Variants in LAMA2 observed in about 807,000 individuals in gnomAD.
LAMA2 encodes the protein laminin subunit alpha-2.
A neutral mutation model predicts 364.8 loss-of-function variants in LAMA2; 269 were observed. That is an observed-to-expected ratio of 0.74 (90% CI 0.67 to 0.82). The LOEUF (loss-of-function observed/expected upper bound fraction) is 0.82. Among genes scored for constraint, LAMA2 ranks in the 40% least tolerant of loss-of-function variants. The pLI is 0.00. For synonymous variants in LAMA2, 1,379 were observed against 1,370.6 expected (o/e 1.01, Z -0.14); for missense variants, 3,807 against 3,873.2 (o/e 0.98, Z 0.45).
At chr6:129,234,332 G>C (rs927756971) in intron 12 of LAMA2, among the ~76,000 whole-genome samples, 10 of 152,086 alleles carry the variant, frequency 6.6e-5, no homozygotes, top group Non-Finnish European at 1.3e-4. Context: ...AATCCAAAAA[G>C]TCAAACATTC....
At position 129,313,247 on chromosome 6, in the gene LAMA2, T is replaced by C. The variant is rs1043324171; in HGVS notation, c.3411+150T>C. Reference sequence around the variant, plus strand: ...CTCATTGCCAGACATGGAGTTTTCATTGATATGCATTTGTTGGCATACCGA... The same window carrying C: ...CTCATTGCCAGACATGGAGTTTTCACTGATATGCATTTGTTGGCATACCGA... On this transcript the variant is annotated intron_variant, in intron 23 of 64. Coordinates refer to ENST00000421865, the MANE Select transcript of LAMA2 (RefSeq NM_000426.4). 6 of 596,976 alleles carry C rather than the reference T, an allele frequency of 1.0e-5. No individual in the cohort carries two copies. In the South Asian group the frequency reaches 1.4e-4, roughly 14 times the overall value. The allele number at this position is 596,976 out of a possible 1,614,324, so 37.0% of individuals were successfully genotyped here. A position where few individuals can be genotyped will look rare whatever the true frequency, so the allele number is the denominator to read the frequency against.
At chr6:129,398,248 G>A (rs1434196737) in intron 37 of LAMA2, among the ~76,000 whole-genome samples, 4 of 152,124 alleles carry the variant, frequency 2.6e-5, no homozygotes, top group African/African-American at 9.7e-5. Flanking sequence ...AAAATTGGCA[G>A]TTGTGTAAAA....
chr6:129,157,904 G>A (rs1295380999), intron 8 of LAMA2: 13 of 1,614,108 alleles, frequency 8.1e-6, no homozygotes, highest in Non-Finnish European at 1.0e-5. Context: ...GAGCCAGGTA[G>A]CGTTTGGTGC....
chr6:129,188,999 G>A (rs1781383036), intron 10 of LAMA2, among the ~76,000 whole-genome samples: 1 of 151,984 alleles, frequency 6.6e-6, no homozygotes. Flanking sequence ...AAACATGACT[G>A]CCAAGAGATT....
intron 53 of LAMA2, among the ~76,000 whole-genome samples, chr6:129,476,259 G>A (rs1347094518): frequency 5.3e-5 from 8 of 152,220 alleles, no homozygotes; most frequent in South Asian, 2.1e-4. Context: ...TTTTAAAACC[G>A]AGGCTAGATT....
chr6:129,335,621 A>C (rs1775914176), intron 29 of LAMA2, among the ~76,000 whole-genome samples: 1 of 152,206 alleles, frequency 6.6e-6, no homozygotes, highest in South Asian at 2.1e-4. Context: ...GTTGCCTGAA[A>C]CATTTAACCA....
rs539102200 is a variant in LAMA2 at position 129,271,257 on chromosome 6, G to A, written c.2450+506G>A. Among the ~76,000 whole-genome samples, 15 of 151,748 alleles carry A rather than the reference G, an allele frequency of 9.9e-5. No homozygotes were observed. The South Asian group carries it at 2.5e-3, about 25-fold the overall frequency. On this transcript the variant is annotated intron_variant, in intron 17 of 64. Coordinates refer to ENST00000421865, the MANE Select transcript of LAMA2 (RefSeq NM_000426.4). ...CTATCCCTTCTTTTTAGAAAAATTCGTTGTTCACCTAGAACAACCACCTCT... is the reference window on the plus strand; with the variant it reads ...CTATCCCTTCTTTTTAGAAAAATTCATTGTTCACCTAGAACAACCACCTCT...
At chr6:129,113,846 T>A (rs1776306604) in intron 4 of LAMA2, among the ~76,000 whole-genome samples, 1 of 151,814 alleles carries the variant, frequency 6.6e-6, no homozygotes, top group African/African-American at 2.4e-5. Context: ...ATAACCATCA[T>A]CCTCAGCTGT....
At chr6:129,223,871 A>T (rs1351043543) in intron 12 of LAMA2, among the ~76,000 whole-genome samples, 2 of 152,108 alleles carry the variant, frequency 1.3e-5, no homozygotes, top group East Asian at 1.9e-4. Flanking sequence ...TTTTTTTCCA[A>T]TTCTGTGAAG....
chr6:129,199,587 G>A (rs184542173), intron 12 of LAMA2, among the ~76,000 whole-genome samples: 1 of 152,130 alleles, frequency 6.6e-6, no homozygotes, highest in East Asian at 1.9e-4. Context: ...AAAATCAAGA[G>A]AATCTACAGA....
At chr6:129,359,204 C>T (rs1418094081) in intron 32 of LAMA2, among the ~76,000 whole-genome samples, 1 of 150,038 alleles carries the variant, frequency 6.7e-6, no homozygotes, top group Non-Finnish European at 1.5e-5. Flanking sequence ...ATCTTTGAAC[C>T]ACATTGAACT....
At chr6:129,508,129 C>T (rs370819042) in intron 62 of LAMA2, among the ~76,000 whole-genome samples, 2 of 152,318 alleles carry the variant, frequency 1.3e-5, no homozygotes, top group East Asian at 3.9e-4. Flanking sequence ...CACTCCGTTT[C>T]TAATGAACAT....
chr6:129,113,206 G>A (rs779297005), intron 4 of LAMA2, among the ~76,000 whole-genome samples: 14 of 152,084 alleles, frequency 9.2e-5, no homozygotes, highest in Non-Finnish European at 2.1e-4. Context: ...GAGGGGCTCT[G>A]TCACTAGAAT....
At chr6:129,248,207 G>A (rs1263486461) in intron 12 of LAMA2, among the ~76,000 whole-genome samples, 1 of 152,166 alleles carries the variant, frequency 6.6e-6, no homozygotes, top group Non-Finnish European at 1.5e-5. Context: ...ATCTGATGTG[G>A]AACAGTTTTA....
chr6:129,141,863 TGTGTGTATGTGTGTGTGAGTGTGA>T (rs1363412591), intron 4 of LAMA2, among the ~76,000 whole-genome samples: 2 of 151,696 alleles, frequency 1.3e-5, no homozygotes, highest in Non-Finnish European at 2.9e-5. Context: ...TGCATGTTTG[TGTGTGTATGTGTGTGTGAGTGTGA>T]GTGTGTATGT....
intron 55 of LAMA2, among the ~76,000 whole-genome samples, chr6:129,486,142 G>A (rs1442106091): frequency 6.6e-6 from 1 of 152,198 alleles, no homozygotes; most frequent in South Asian, 2.1e-4. Flanking sequence ...GAATATAAGG[G>A]AGAGGGATTT....
At chr6:129,089,882 AC>A (rs1774711195) in intron 3 of LAMA2, among the ~76,000 whole-genome samples, 1 of 152,136 alleles carries the variant, frequency 6.6e-6, no homozygotes, top group Non-Finnish European at 1.5e-5. Context: ...AAATTGTGAG[AC>A]CTTATGGGCC....
At chr6:128,963,148 G>A (rs962978204) in intron 1 of LAMA2, among the ~76,000 whole-genome samples, 18 of 152,018 alleles carry the variant, frequency 1.2e-4, no homozygotes, top group Admixed American at 9.8e-4. Context: ...TGTGATCAAA[G>A]GTAACTGATC....
chr6:129,121,283 G>T (rs1776790599), intron 4 of LAMA2, among the ~76,000 whole-genome samples: 1 of 152,168 alleles, frequency 6.6e-6, no homozygotes, highest in African/African-American at 2.4e-5. Context: ...GGGAGATTTA[G>T]AAATTCAGTA....
Sources: allele counts gnomAD v4.1 joint callset (sites outside exome capture counted in the v4.1 genomes callset), GRCh38; gene constraint gnomAD v4.1.1; transcripts MANE v1.5; gene names NCBI Gene and HGNC (gene_info 2026-07-23, HGNC 2026-07-21).